The following PHF2 variants were observed in gnomAD, a reference collection of about 807,000 sequenced individuals.
The protein encoded by PHF2 is lysine-specific demethylase PHF2.
Under a neutral mutation model 120.5 loss-of-function variants are expected in PHF2, and 27 were observed. The observed-to-expected ratio is 0.22, with a 90% CI of 0.17 to 0.31. The LOEUF (loss-of-function observed/expected upper bound fraction) is 0.31, where lower values mean the gene tolerates loss of function less well. Among genes scored for constraint, PHF2 ranks in the 10% least tolerant of loss-of-function variants. The pLI, the probability that PHF2 is intolerant of heterozygous loss-of-function variation, is 1.00. For missense variants in PHF2, 1,024 were observed against 1,434.8 expected (o/e 0.71, Z 4.63); for synonymous variants, 568 against 592.5 (o/e 0.96, Z 0.60).
At chr9:93,580,356 C>T (rs1296760107) in intron 1 of PHF2, among the ~76,000 whole-genome samples, 4 of 152,128 alleles carry the variant, frequency 2.6e-5, no homozygotes, top group African/African-American at 9.7e-5. Context: ...GGGGATGTGT[C>T]GCTCTGCACC....
intron 5 of PHF2, among the ~76,000 whole-genome samples, chr9:93,651,935 G>A (rs924104286): frequency 2.0e-5 from 3 of 152,210 alleles, no homozygotes; most frequent in South Asian, 4.1e-4. Context: ...CCTGTGGGCC[G>A]TGATGTGCCC....
chr9:93,643,476 C>G (rs1039680675), intron 3 of PHF2, among the ~76,000 whole-genome samples: 4 of 152,292 alleles, frequency 2.6e-5, no homozygotes, highest in Admixed American at 1.3e-4. Context: ...TCTAGTCCCC[C>G]CTGGTTTATC....
intron 1 of PHF2, among the ~76,000 whole-genome samples, chr9:93,608,448 C>T (rs1458030628): frequency 4.2e-5 from 6 of 142,734 alleles, no homozygotes; most frequent in South Asian, 2.2e-4. Context: ...TAGGGTAATT[C>T]TGGCCTCACA....
intron 17 of PHF2, chr9:93,671,190 C>CAGGTGTAGATGCAGG (rs1826778861): frequency 1.2e-6 from 1 of 862,646 alleles, no homozygotes. Context: ...GTAGATGCAG[C>CAGGTGTAGATGCAGG]TGTGGGTGTG....
intron 1 of PHF2, among the ~76,000 whole-genome samples, chr9:93,585,435 C>T (rs1480991070): frequency 2.6e-5 from 4 of 152,236 alleles, no homozygotes; most frequent in East Asian, 1.9e-4. Context: ...ACAGCAAGCA[C>T]AGTTATGGAG....
intron 5 of PHF2, 71 bp downstream of exon 5, chr9:93,649,283 G>A (rs1042587517): frequency 3.0e-5 from 40 of 1,313,152 alleles, no homozygotes; most frequent in Middle Eastern, 5.0e-4. Flanking sequence ...CTTGGTAGTC[G>A]CCTGAGAAGC....
chr9:93,648,097 A>G (rs1826292638), intron 4 of PHF2, among the ~76,000 whole-genome samples: 1 of 133,944 alleles, frequency 7.5e-6, no homozygotes, highest in Admixed American at 7.5e-5. Context: ...TGGAATCCAA[A>G]TTAGACCCCC....
chr9:93,635,493 G>A (rs2131661502), intron 2 of PHF2, among the ~76,000 whole-genome samples: 1 of 152,334 alleles, frequency 6.6e-6, no homozygotes, highest in East Asian at 1.9e-4. Context: ...AGCCCCCGAG[G>A]AGGGCATCTC....
rs769959237 is a variant in PHF2 at position 93,645,626 on chromosome 9, C to T, written c.300-3C>T. 4 of 1,586,574 alleles carry T rather than the reference C, an allele frequency of 2.5e-6. No individual in the cohort carries two copies. The highest frequency in any genetic ancestry group is 1.1e-5 in the South Asian group (1 of 87,590). On this transcript the variant is annotated splice_region_variant and splice_polypyrimidine_tract_variant and intron_variant, in intron 3 of 21. Coordinates refer to ENST00000359246, the MANE Select transcript of PHF2 (RefSeq NM_005392.4). The stretch of plus-strand genomic sequence containing the variant: ...GTGGCCTCTGACCTGTGCTTCCCTG[C>T]AGTGCTGAAGACGTGGTGGCCCGTG...
intron 1 of PHF2, among the ~76,000 whole-genome samples, chr9:93,604,529 A>G (rs1825504241): frequency 6.7e-6 from 1 of 150,374 alleles, no homozygotes; most frequent in Non-Finnish European, 1.5e-5. Flanking sequence ...CAGTGGCGCG[A>G]TCTCGGCTCA....
At position 93,645,497 on chromosome 9, in the gene PHF2, CT is replaced by C; in HGVS notation, c.300-131del. The C allele has an allele frequency of 3.3e-6, 3 of 917,872 alleles. No individual in the cohort carries two copies. The African/African-American group carries it at 5.0e-5, about 15-fold the overall frequency. The allele number at this position is 917,872 out of a possible 1,614,324, so 56.9% of individuals were successfully genotyped here. On this transcript the variant is annotated intron_variant, in intron 3 of 21. Coordinates refer to ENST00000359246, the MANE Select transcript of PHF2 (RefSeq NM_005392.4). ...CCCATTTGTGGCACCACGGCCAGGC[CT>C]CCTCCTGTGGCTGTGGGAGGTGGGT...
At chr9:93,587,366 G>A (rs1477892522) in intron 1 of PHF2, among the ~76,000 whole-genome samples, 2 of 150,642 alleles carry the variant, frequency 1.3e-5, no homozygotes, top group African/African-American at 2.4e-5. Context: ...AGAGCCCTGG[G>A]TGAGGGACGG....
intron 1 of PHF2, among the ~76,000 whole-genome samples, chr9:93,587,048 G>A (rs568492474): frequency 6.6e-6 from 1 of 152,374 alleles, no homozygotes; most frequent in African/African-American, 2.4e-5. Flanking sequence ...AGGAAGATGA[G>A]GACAAGGCAC....
At chr9:93,645,937 G>A (rs1450861244) in intron 4 of PHF2, 148 bp downstream of exon 4, 9 of 914,260 alleles carry the variant, frequency 9.8e-6, no homozygotes, top group South Asian at 6.4e-5. Flanking sequence ...CTCTGTTCCC[G>A]GTGCTCTTAG....
chr9:93,594,703 G>A (rs558437912), intron 1 of PHF2: 1 of 152,350 alleles, frequency 6.6e-6, no homozygotes, highest in African/African-American at 2.4e-5. Context: ...CCTAAAACAT[G>A]TGGATTGCAA....
Position 93,671,016 on chromosome 9 carries a change from T to G in PHF2, c.2349-2569T>G, listed in dbSNP as rs149908936. On this transcript the variant is annotated intron_variant, in intron 17 of 21. Transcript: ENST00000359246. ...TCAGGTGCAGATGCAGCTGCAGGTC[T>G]ATGTTCAGGTGGGTGCAGGTGTGGG... 2.1e-3 allele frequency: 2,094 copies of G among 983,994 alleles called. 8 individuals are homozygous for G. The highest frequency in any genetic ancestry group is 2.4e-3 in the Non-Finnish European group (2,022 of 829,706). 61.0% of individuals were successfully genotyped at this position (983,994 alleles called of 1,614,324 possible).
At chr9:93,648,094 C>G (rs73522292) in intron 4 of PHF2, among the ~76,000 whole-genome samples, 3,200 of 145,204 alleles carry the variant, frequency 0.022, 42 homozygotes, top group Middle Eastern at 0.045. Flanking sequence ...CTGTGGAATC[C>G]AAATTAGACC....
chr9:93,586,233 A>G (rs1863041976), intron 1 of PHF2, among the ~76,000 whole-genome samples: 1 of 152,166 alleles, frequency 6.6e-6, no homozygotes, highest in Non-Finnish European at 1.5e-5. Context: ...GTCTCACTAA[A>G]CCTTCCTTGG....
intron 1 of PHF2, among the ~76,000 whole-genome samples, chr9:93,618,209 T>G (rs1360835845): frequency 1.3e-5 from 2 of 152,256 alleles, no homozygotes; most frequent in South Asian, 2.1e-4. Flanking sequence ...TGGCCTCATC[T>G]GGTTGGCAAG....
Sources: allele counts gnomAD v4.1 joint callset (sites outside exome capture counted in the v4.1 genomes callset), GRCh38; gene constraint gnomAD v4.1.1; transcripts MANE v1.5; gene names NCBI Gene and HGNC (gene_info 2026-07-23, HGNC 2026-07-21).